Variants in GLI2 observed in about 807,000 individuals in gnomAD.
GLI2 encodes GLI family zinc finger 2.
A neutral mutation model predicts 78.9 loss-of-function variants in GLI2; 22 were observed. The ratio of observed to expected loss-of-function variants is 0.28; its 90% CI spans 0.20 to 0.40. The LOEUF (loss-of-function observed/expected upper bound fraction) is 0.40, where lower values mean the gene tolerates loss of function less well. GLI2 is among the 10% of genes least tolerant of loss of function. The probability of loss-of-function intolerance (pLI) is 1.00; values close to 1 mark genes in which losing one functional copy is unlikely to be tolerated. For synonymous variants in GLI2, 974 were observed against 963.7 expected (o/e 1.01, Z -0.20); for missense variants, 2,097 against 2,213.2 (o/e 0.95, Z 1.05).
intron 9 of GLI2, among the ~76,000 whole-genome samples, chr2:120,975,936 A>G (rs969225945): frequency 2.0e-5 from 3 of 152,136 alleles, no homozygotes; most frequent in South Asian, 2.1e-4. Flanking sequence ...AGGAGGGTCA[A>G]TCATGTTTGT....
At chr2:120,752,683 G>A (rs11684871) in intron 1 of GLI2, among the ~76,000 whole-genome samples, 29,896 of 152,176 alleles carry the variant, frequency 0.2, 3,545 homozygotes, top group Non-Finnish European at 0.27. Context: ...TACCACTGCC[G>A]TAGCCCAGCC....
chr2:120,813,664 A>G (rs1238404475), intron 2 of GLI2, among the ~76,000 whole-genome samples: 2 of 151,860 alleles, frequency 1.3e-5, no homozygotes, highest in Non-Finnish European at 2.9e-5. Flanking sequence ...CCCCACCACC[A>G]CCCTGGCCCC....
intron 1 of GLI2, among the ~76,000 whole-genome samples, chr2:120,769,152 C>A (rs915588323): frequency 2.6e-5 from 4 of 152,224 alleles, no homozygotes; most frequent in African/African-American, 7.2e-5. Flanking sequence ...AATCCACTCT[C>A]TCTGGAGCCC....
chr2:120,911,489 C>G (rs1413412860), intron 2 of GLI2, among the ~76,000 whole-genome samples: 1 of 152,148 alleles, frequency 6.6e-6, no homozygotes, highest in African/African-American at 2.4e-5. Flanking sequence ...ACTGCGGCCC[C>G]GAGCAGCATG....
At chr2:120,817,251 G>A (rs1049664822) in intron 2 of GLI2, among the ~76,000 whole-genome samples, 7 of 152,212 alleles carry the variant, frequency 4.6e-5, no homozygotes, top group Non-Finnish European at 8.8e-5. Context: ...AGTGCGTAAT[G>A]TCAGCTTGGC....
At position 120,905,098 on chromosome 2, in the gene GLI2, A is replaced by T. The variant is rs116212607; in HGVS notation, c.149-22263A>T. Reference sequence around the variant, plus strand: ...CTCATAAAAATATCCTCCAGTGTCAAAAGGTTTCAGTAAATGTGGCTGGAA... The same window carrying T: ...CTCATAAAAATATCCTCCAGTGTCATAAGGTTTCAGTAAATGTGGCTGGAA... On this transcript the variant is annotated intron_variant, in intron 2 of 13. Transcript: ENST00000361492. Among the ~76,000 whole-genome samples, 969 of 152,342 alleles carry T rather than the reference A, an allele frequency of 6.4e-3. 11 individuals carry two copies. The highest frequency in any genetic ancestry group is 0.022 in the African/African-American group (920 of 41,570).
rs139686081 is a variant in GLI2 at position 120,989,442 on chromosome 2, G to T, written c.3477G>T (p.Gln1159His). 3.9e-4 allele frequency: 624 copies of T among 1,613,086 alleles called. No homozygotes were observed. In the African/African-American group the frequency reaches 5.5e-3, roughly 14 times the overall value. ...FPQGNLAVVQ[Q>H]KPAFGQYPGY... ...AGGGCAACCTGGCGGTGGTGCAGCA[G>T]AAGCCTGCCTTTGGCCAGTACCCGG... Residue 1159 changes from glutamine to histidine, a missense_variant, in exon 14 of 14, where the codon CAG becomes CAT. By Grantham distance (24) the Gln-to-His change is conservative. Transcript: ENST00000361492.
chr2:120,828,861 C>CA (rs3053863), intron 2 of GLI2, among the ~76,000 whole-genome samples: 1,320 of 125,950 alleles, frequency 0.01, 49 homozygotes, highest in African/African-American at 0.035. Context: ...CTTCCAACTC[C>CA]AAAAAAAAAA....
intron 2 of GLI2, among the ~76,000 whole-genome samples, chr2:120,834,231 C>T (rs937774450): frequency 2.6e-5 from 4 of 152,206 alleles, no homozygotes; most frequent in African/African-American, 9.7e-5. Context: ...CCACACCATA[C>T]AGGACTACTT....
chr2:120,795,909 C>T (rs1220094279), intron 1 of GLI2, among the ~76,000 whole-genome samples: 5 of 151,594 alleles, frequency 3.3e-5, no homozygotes, highest in African/African-American at 9.7e-5. Context: ...ATTAGCCGGG[C>T]GTGGTGGCTC....
At chr2:120,777,985 A>C (rs1156388497) in intron 1 of GLI2, among the ~76,000 whole-genome samples, 1 of 152,034 alleles carries the variant, frequency 6.6e-6, no homozygotes, top group East Asian at 1.9e-4. Flanking sequence ...GGCAGCCCCC[A>C]CCCGGCTAGG....
At chr2:120,849,595 C>T (rs1311106899) in intron 2 of GLI2, among the ~76,000 whole-genome samples, 1 of 152,232 alleles carries the variant, frequency 6.6e-6, no homozygotes, top group Admixed American at 6.5e-5. Context: ...ATTTGGGGGT[C>T]TCCCTATGGA....
intron 2 of GLI2, among the ~76,000 whole-genome samples, chr2:120,912,703 C>A (rs1558877034): frequency 1.3e-5 from 2 of 152,324 alleles, no homozygotes; most frequent in South Asian, 2.1e-4. Context: ...CCCCTCATGA[C>A]CCCGGCATGG....
At chr2:120,885,207 C>T (rs1211104257) in intron 2 of GLI2, among the ~76,000 whole-genome samples, 3 of 152,252 alleles carry the variant, frequency 2.0e-5, no homozygotes, top group African/African-American at 4.8e-5. Context: ...GAGGGTGAAC[C>T]TTTCTCTGTA....
chr2:120,771,718 GAC>G (rs1335404347), intron 1 of GLI2, among the ~76,000 whole-genome samples: 1 of 152,202 alleles, frequency 6.6e-6, no homozygotes, highest in Non-Finnish European at 1.5e-5. Context: ...CAGGGTCTGT[GAC>G]TAGCAGCATT....
chr2:120,950,589 G>A (rs868680611), intron 3 of GLI2, among the ~76,000 whole-genome samples: 3 of 152,206 alleles, frequency 2.0e-5, no homozygotes, highest in Non-Finnish European at 4.4e-5. Flanking sequence ...CATCTGAGAA[G>A]GGTGGTTCTG....
intron 1 of GLI2, among the ~76,000 whole-genome samples, chr2:120,774,072 G>A (rs1295935029): frequency 6.6e-6 from 1 of 151,904 alleles, no homozygotes; most frequent in Non-Finnish European, 1.5e-5. Context: ...TGAGGAGCAG[G>A]CACCCCGATA....
chr2:120,799,057 G>C (rs973797067), intron 2 of GLI2, among the ~76,000 whole-genome samples: 5 of 152,250 alleles, frequency 3.3e-5, no homozygotes. Context: ...GTAGAGGACA[G>C]ACTTAGGCAG....
chr2:120,943,899 CT>C (rs1680580678), intron 3 of GLI2, among the ~76,000 whole-genome samples: 1 of 152,194 alleles, frequency 6.6e-6, no homozygotes, highest in Non-Finnish European at 1.5e-5. Flanking sequence ...CCTGCACTTC[CT>C]TCCCTTTCTC....
Sources: gnomAD v4.1 joint callset for allele counts (sites outside exome capture counted in the v4.1 genomes callset) on GRCh38, gnomAD v4.1.1 for gene constraint, MANE v1.5 for transcripts, NCBI Gene and HGNC (gene_info 2026-07-23, HGNC 2026-07-21) for gene names.